The following PRR16 variants were observed in gnomAD, a reference collection of about 807,000 sequenced individuals.
PRR16 encodes protein Largen.
A neutral mutation model predicts 18.2 loss-of-function variants in PRR16; 6 were observed. That is an observed-to-expected ratio of 0.33 (90% confidence interval 0.18 to 0.65). PRR16 has a LOEUF of 0.65. Among genes scored for constraint, PRR16 ranks in the 30% least tolerant of loss-of-function variants. PRR16 has a pLI of 0.74. For missense variants in PRR16, 412 were observed against 376.6 expected (o/e 1.09, Z -0.78); for synonymous variants, 151 against 147.8 (o/e 1.02, Z -0.16).
the PRR16 span, among the ~76,000 whole-genome samples, chr5:120,770,950 T>TCA: frequency 3.1e-3 from 463 of 148,966 alleles, 2 homozygotes; most frequent in East Asian, 0.026. Flanking sequence ...TCTCTCTCTC[T>TCA]CACACACACA....
intron 1 of PRR16, among the ~76,000 whole-genome samples, chr5:120,679,299 T>C (rs1271991721): frequency 6.6e-6 from 1 of 152,180 alleles, no homozygotes; most frequent in African/African-American, 2.4e-5. Context: ...TGTTCCTAGA[T>C]TTATGATTGA....
At chr5:120,554,135 A>T (rs1374852935) in intron 1 of PRR16, among the ~76,000 whole-genome samples, 1 of 151,954 alleles carries the variant, frequency 6.6e-6, no homozygotes, top group Non-Finnish European at 1.5e-5. Flanking sequence ...TGTGGAAAGA[A>T]CCAGATGCGT....
At chr5:120,492,756 T>C (rs1409619437) in intron 1 of PRR16, among the ~76,000 whole-genome samples, 1 of 152,154 alleles carries the variant, frequency 6.6e-6, no homozygotes, top group African/African-American at 2.4e-5. Flanking sequence ...TATCACTCTA[T>C]ATGTTTTGGG....
the PRR16 span, among the ~76,000 whole-genome samples, chr5:120,704,898 A>G: frequency 6.6e-6 from 1 of 152,222 alleles, no homozygotes; most frequent in Admixed American, 6.5e-5. Context: ...GTACTTAGAA[A>G]TTTATATTTC....
At chr5:120,690,367 A>G (rs1757194329), downstream of PRR16, among the ~76,000 whole-genome samples, 1 of 152,128 alleles carries the variant, frequency 6.6e-6, no homozygotes, top group East Asian at 1.9e-4. Context: ...CATGGATTCT[A>G]TGTGATAATG....
chr5:120,789,137 T>C, the PRR16 span, among the ~76,000 whole-genome samples: 1 of 152,216 alleles, frequency 6.6e-6, no homozygotes, highest in African/African-American at 2.4e-5. Context: ...CATTCCTCTG[T>C]CTCTGACTTT....
At chr5:120,539,179 G>A (rs1751827653) in intron 1 of PRR16, among the ~76,000 whole-genome samples, 1 of 151,658 alleles carries the variant, frequency 6.6e-6, no homozygotes, top group Non-Finnish European at 1.5e-5. Flanking sequence ...TTCTTTTGAA[G>A]AATGCTAGGT....
chr5:120,687,003 T>G lies in PRR16; in HGVS notation c.*294T>G, dbSNP rs1757148554. 4.4e-6 allele frequency: 1 copy of G among 225,180 alleles called. No homozygotes were observed. Among genetic ancestry groups the G allele is most frequent in the Non-Finnish European group, 8.6e-6 (1 of 116,714 alleles). 13.9% of individuals were successfully genotyped at this position (225,180 alleles called of 1,614,324 possible). The stretch of plus-strand genomic sequence containing the variant: ...CCTGCAGATTTCACCTATTTTGATT[T>G]ACTATAAGAGCTGGGATTTGATTCA... On this transcript the variant is annotated 3_prime_UTR_variant, in exon 2 of 2. Coordinates refer to ENST00000407149, the MANE Select transcript of PRR16 (RefSeq NM_001300783.2).
At chr5:120,587,500 A>G (rs1040928558) in intron 1 of PRR16, among the ~76,000 whole-genome samples, 1 of 152,176 alleles carries the variant, frequency 6.6e-6, no homozygotes, top group African/African-American at 2.4e-5. Context: ...CTTATCTGTC[A>G]TTCTGAAAAT....
At chr5:120,771,763 C>A in the PRR16 span, among the ~76,000 whole-genome samples, 1 of 151,832 alleles carries the variant, frequency 6.6e-6, no homozygotes, top group Non-Finnish European at 1.5e-5. Flanking sequence ...TGCTGAAATC[C>A]TATGTCCAAG....
chr5:120,752,273 T>C, the PRR16 span, among the ~76,000 whole-genome samples: 2 of 152,066 alleles, frequency 1.3e-5, no homozygotes, highest in African/African-American at 4.8e-5. Flanking sequence ...AAATAAGCTA[T>C]AAATACATTA....
the PRR16 span, among the ~76,000 whole-genome samples, chr5:120,773,391 CTG>C: frequency 6.6e-6 from 1 of 152,146 alleles, no homozygotes; most frequent in East Asian, 1.9e-4. Flanking sequence ...TTCATACTAA[CTG>C]TTTAAAATGG....
chr5:120,586,582 G>A (rs1429880136), intron 1 of PRR16, among the ~76,000 whole-genome samples: 1 of 151,934 alleles, frequency 6.6e-6, no homozygotes, highest in African/African-American at 2.4e-5. Flanking sequence ...CAGTTATGGT[G>A]ATCTGTGATC....
intron 1 of PRR16, among the ~76,000 whole-genome samples, chr5:120,647,693 A>G (rs1755644931): frequency 6.6e-6 from 1 of 152,028 alleles, no homozygotes; most frequent in African/African-American, 2.4e-5. Context: ...TTACTTCTGA[A>G]CCCTGCTTAA....
At chr5:120,634,616 C>T (rs1755167363) in intron 1 of PRR16, among the ~76,000 whole-genome samples, 1 of 152,114 alleles carries the variant, frequency 6.6e-6, no homozygotes, top group South Asian at 2.1e-4. Context: ...GCACTCCAGC[C>T]TGGGGAGCAG....
chr5:120,780,905 T>C, the PRR16 span, among the ~76,000 whole-genome samples: 1 of 151,914 alleles, frequency 6.6e-6, no homozygotes, highest in Admixed American at 6.6e-5. Context: ...CAAAAATTAG[T>C]TGGGCGTGGT....
chr5:120,586,541 C>T (rs894329534), intron 1 of PRR16, among the ~76,000 whole-genome samples: 1 of 151,750 alleles, frequency 6.6e-6, no homozygotes, highest in Non-Finnish European at 1.5e-5. Flanking sequence ...TTTGGTAATC[C>T]CTACAATAAT....
the PRR16 span, among the ~76,000 whole-genome samples, chr5:120,773,320 A>C: frequency 6.6e-6 from 1 of 152,158 alleles, no homozygotes; most frequent in South Asian, 2.1e-4. Context: ...TCTGGTCTGC[A>C]AAGTCCATAA....
intron 1 of PRR16, among the ~76,000 whole-genome samples, chr5:120,538,672 C>T (rs955354004): frequency 1.3e-5 from 2 of 152,186 alleles, no homozygotes; most frequent in African/African-American, 4.8e-5. Context: ...AAACTGAAAG[C>T]ATCTTCAGCA....
Sources: allele counts gnomAD v4.1 joint callset (sites outside exome capture counted in the v4.1 genomes callset), GRCh38; gene constraint gnomAD v4.1.1; transcripts MANE v1.5; gene names NCBI Gene and HGNC (gene_info 2026-07-23, HGNC 2026-07-21).